The following NSMCE2 variants were observed in gnomAD, a reference collection of about 807,000 sequenced individuals.
NSMCE2 encodes NSE2 SUMO ligase component of SMC5/6 complex.
In NSMCE2, 24 loss-of-function variants were observed where a neutral mutation model predicts 23.8. The ratio of observed to expected loss-of-function variants is 1.01; its 90% confidence interval spans 0.73 to 1.42. The LOEUF (loss-of-function observed/expected upper bound fraction) is 1.42. Among genes scored for constraint, NSMCE2 ranks in the 40% most tolerant of loss-of-function variants. The pLI is 0.00. For missense variants in NSMCE2, 284 were observed against 296.5 expected (o/e 0.96, Z 0.31); for synonymous variants, 92 against 94.1 (o/e 0.98, Z 0.13).
intron 5 of NSMCE2, among the ~76,000 whole-genome samples, chr8:125,201,339 C>T (rs558120047): frequency 4.9e-4 from 74 of 152,268 alleles, no homozygotes; most frequent in African/African-American, 1.8e-3. Flanking sequence ...TGTTGGTGAC[C>T]TACAGATGGG....
At chr8:125,334,008 C>G (rs1442751068) in intron 5 of NSMCE2, among the ~76,000 whole-genome samples, 1 of 152,160 alleles carries the variant, frequency 6.6e-6, no homozygotes, top group Non-Finnish European at 1.5e-5. Context: ...CCTTCATGCT[C>G]CTGGGTCTGC....
intron 5 of NSMCE2, among the ~76,000 whole-genome samples, chr8:125,351,118 A>G (rs1182119888): frequency 2.6e-5 from 4 of 152,294 alleles, no homozygotes; most frequent in Middle Eastern, 3.4e-3. Flanking sequence ...GCTTTGAGCA[A>G]CTCGGTGGAT....
chr8:125,237,405 T>TA (rs1255254116), intron 5 of NSMCE2, among the ~76,000 whole-genome samples: 2 of 152,186 alleles, frequency 1.3e-5, no homozygotes, highest in Non-Finnish European at 2.9e-5. Context: ...ATGTCACTGT[T>TA]ACGGTTCCTA....
rs149430490 is a variant in NSMCE2 at position 125,284,022 on chromosome 8, C to T, written c.419-73197C>T. On this transcript the variant is annotated intron_variant, in intron 5 of 7. Coordinates refer to ENST00000287437, the MANE Select transcript of NSMCE2 (RefSeq NM_173685.4). The stretch of plus-strand genomic sequence containing the variant: ...CAAAAAAATTAGCTGGGCGTGGTGG[C>T]GGGCGCCTGTAGTCTCAGCTACTTG... Among the ~76,000 whole-genome samples the T allele has an allele frequency of 3.1e-3, 473 of 151,930 alleles. 3 individuals are homozygous for T. Among genetic ancestry groups the T allele is most frequent in the African/African-American group, 0.011 (447 of 41,432 alleles).
chr8:125,176,172 GTTTC>G (rs1563698464), intron 4 of NSMCE2, among the ~76,000 whole-genome samples: 1 of 152,158 alleles, frequency 6.6e-6, no homozygotes, highest in Admixed American at 6.5e-5. Context: ...TCCTGTTACT[GTTTC>G]TTTCTTTTTG....
intron 3 of NSMCE2, among the ~76,000 whole-genome samples, chr8:125,148,020 C>G (rs185219238): frequency 2.8e-4 from 43 of 152,308 alleles, no homozygotes; most frequent in African/African-American, 9.9e-4. Context: ...CCTCTGACTA[C>G]AGTTATCTGA....
chr8:125,165,322 G>A (rs1253948435), intron 4 of NSMCE2, among the ~76,000 whole-genome samples: 2 of 152,202 alleles, frequency 1.3e-5, no homozygotes, highest in African/African-American at 4.8e-5. Context: ...GCACAAGGTA[G>A]TTGTGAAATT....
At chr8:125,344,973 A>G (rs887534487) in intron 5 of NSMCE2, among the ~76,000 whole-genome samples, 6 of 151,784 alleles carry the variant, frequency 4.0e-5, no homozygotes, top group African/African-American at 1.2e-4. Flanking sequence ...ATGTTTCTCT[A>G]TTATAAAAAC....
chr8:125,193,687 G>T (rs1490616704), intron 5 of NSMCE2, among the ~76,000 whole-genome samples: 1 of 152,132 alleles, frequency 6.6e-6, no homozygotes, highest in Non-Finnish European at 1.5e-5. Flanking sequence ...TAGAAAAGAG[G>T]TAAGTGTTGT....
intron 5 of NSMCE2, among the ~76,000 whole-genome samples, chr8:125,282,168 C>G (rs1009100377): frequency 4.0e-5 from 6 of 151,538 alleles, no homozygotes; most frequent in African/African-American, 1.5e-4. Context: ...GGCTGGAGTG[C>G]AGTGGCATGA....
intron 5 of NSMCE2, among the ~76,000 whole-genome samples, chr8:125,192,610 C>G (rs888793667): frequency 6.6e-6 from 1 of 152,176 alleles, no homozygotes; most frequent in Non-Finnish European, 1.5e-5. Flanking sequence ...AAATCGAGCA[C>G]AGTCATACAA....
rs147806343 is a variant in NSMCE2, at chr8:125,301,820, T to C, written c.419-55399T>C. Among the ~76,000 whole-genome samples the C allele has an allele frequency of 4.4e-3, 670 of 152,030 alleles. 2 individuals carry two copies. The highest frequency in any genetic ancestry group is 0.015 in the African/African-American group (609 of 41,472). The stretch of plus-strand genomic sequence containing the variant: ...TGGGATTATAGGCACCAACCAACCA[T>C]GCCCGGCTAATTTTTGTAGTTTTAG... On this transcript the variant is annotated intron_variant, in intron 5 of 7. Transcript: ENST00000287437.
chr8:125,169,409 G>C (rs1174227589), intron 4 of NSMCE2, among the ~76,000 whole-genome samples: 1 of 152,096 alleles, frequency 6.6e-6, no homozygotes, highest in Non-Finnish European at 1.5e-5. Context: ...ACTTAAATGT[G>C]CTATAGGCTC....
chr8:125,126,257 G>A (rs1268253335), intron 3 of NSMCE2, among the ~76,000 whole-genome samples: 1 of 151,730 alleles, frequency 6.6e-6, no homozygotes, highest in Admixed American at 6.6e-5. Context: ...GGTGGTGGGT[G>A]CCTACTAAGG....
rs552952127 is a variant in NSMCE2 at position 125,283,029 on chromosome 8, C to T, written c.419-74190C>T. On this transcript the variant is annotated intron_variant, in intron 5 of 7. Transcript: ENST00000287437. ...GAATCTTAATTGTGCTTCTTGACAGCTGTGTGACCTTGGGTATATTATGTA... is the reference window on the plus strand; with the variant it reads ...GAATCTTAATTGTGCTTCTTGACAGTTGTGTGACCTTGGGTATATTATGTA... Among the ~76,000 whole-genome samples the T allele has an allele frequency of 5.9e-5, 9 of 152,280 alleles. No individual in the cohort carries two copies. In the East Asian group the frequency reaches 1.7e-3, roughly 29 times the overall value.
chr8:125,267,464 T>A (rs1826975261), intron 5 of NSMCE2, among the ~76,000 whole-genome samples: 1 of 152,180 alleles, frequency 6.6e-6, no homozygotes, highest in Admixed American at 6.5e-5. Context: ...AGGACCAAAC[T>A]GCTAAAGGAG....
intron 5 of NSMCE2, among the ~76,000 whole-genome samples, chr8:125,239,888 G>A (rs1446070680): frequency 2.0e-5 from 3 of 152,112 alleles, no homozygotes; most frequent in African/African-American, 7.2e-5. Context: ...AAAGAGTAGA[G>A]TGAGTCAGAG....
intron 5 of NSMCE2, among the ~76,000 whole-genome samples, chr8:125,249,883 G>GA (rs1826132686): frequency 6.6e-6 from 1 of 152,122 alleles, no homozygotes; most frequent in East Asian, 1.9e-4. Context: ...AAGGTGGTGT[G>GA]AACTTTTGAA....
intron 5 of NSMCE2, among the ~76,000 whole-genome samples, chr8:125,264,746 C>T (rs1402363738): frequency 1.3e-5 from 2 of 152,106 alleles, no homozygotes; most frequent in Admixed American, 6.6e-5. Context: ...TAGGACAATT[C>T]GCCAGACTCA....
Sources: gnomAD v4.1 joint callset for allele counts (sites outside exome capture counted in the v4.1 genomes callset) on GRCh38, gnomAD v4.1.1 for gene constraint, MANE v1.5 for transcripts, NCBI Gene and HGNC (gene_info 2026-07-23, HGNC 2026-07-21) for gene names.